Variants in MPPED2 observed in about 807,000 individuals in gnomAD.
MPPED2 encodes the protein metallophosphoesterase MPPED2.
MPPED2 carries 5 observed loss-of-function variants against 33.0 expected under a neutral mutation model. That is an observed-to-expected ratio of 0.15 (90% CI 0.08 to 0.32). MPPED2 has a LOEUF of 0.32. Among genes scored for constraint, MPPED2 ranks in the 10% least tolerant of loss-of-function variants. The pLI, the probability that MPPED2 is intolerant of heterozygous loss-of-function variation, is 1.00. For missense variants in MPPED2, 275 were observed against 372.1 expected, an observed-to-expected ratio of 0.74 and a Z score of 2.15; for synonymous variants, 136 against 141.9, an observed-to-expected ratio of 0.96 and a Z score of 0.29.
intron 6 of MPPED2, chr11:30,389,081 C>G (rs1947737882): frequency 7.4e-7 from 1 of 1,347,554 alleles, no homozygotes; most frequent in Non-Finnish European, 9.7e-7. Context: ...CCCCTCAGCA[C>G]CTCTCTAGAG....
downstream of MPPED2, among the ~76,000 whole-genome samples, chr11:30,408,495 A>T (rs964435635): frequency 6.6e-6 from 1 of 152,134 alleles, no homozygotes; most frequent in African/African-American, 2.4e-5. Context: ...TATTTTTAGT[A>T]GAGACGGGGT....
At chr11:30,506,808 T>G (rs1414682723) in intron 3 of MPPED2, among the ~76,000 whole-genome samples, 1 of 152,222 alleles carries the variant, frequency 6.6e-6, no homozygotes, top group African/African-American at 2.4e-5. Flanking sequence ...CTACTGTCAT[T>G]TTTGCATGCT....
intron 5 of MPPED2, among the ~76,000 whole-genome samples, chr11:30,414,784 G>A (rs994540400): frequency 1.3e-5 from 2 of 152,120 alleles, no homozygotes; most frequent in African/African-American, 4.8e-5. Context: ...CTGGTCACAA[G>A]ATACCCAGCT....
At chr11:30,583,721 C>A (rs1164291320) in intron 1 of MPPED2, among the ~76,000 whole-genome samples, 2 of 152,122 alleles carry the variant, frequency 1.3e-5, no homozygotes, top group Non-Finnish European at 2.9e-5. Flanking sequence ...CACCAGAAGT[C>A]CAATTTACCA....
chr11:30,410,252 A>G lies in MPPED2; in HGVS notation c.*1216T>C, dbSNP rs1187775869. On this transcript the variant is annotated 3_prime_UTR_variant, in exon 7 of 7. Coordinates refer to ENST00000358117, the MANE Select transcript of MPPED2 (RefSeq NM_001584.3). ...AAAAATCTTGCAATTTTATTTGCATATAAAGGCCGCTAGATATAGAATATC... is the reference window on the plus strand; with the variant it reads ...AAAAATCTTGCAATTTTATTTGCATGTAAAGGCCGCTAGATATAGAATATC... The G allele has an allele frequency of 2.0e-6, 2 of 985,702 alleles. No individual in the cohort carries two copies. Among genetic ancestry groups the G allele is most frequent in the Non-Finnish European group, 2.4e-6 (2 of 829,902 alleles). The allele number at this position is 985,702 out of a possible 1,614,324, so 61.1% of individuals were successfully genotyped here.
intron 4 of MPPED2, among the ~76,000 whole-genome samples, chr11:30,443,059 C>G (rs1057336204): frequency 6.6e-6 from 1 of 152,034 alleles, no homozygotes; most frequent in Admixed American, 6.6e-5. Flanking sequence ...ATAAGAAATT[C>G]TTCAGACACA....
At position 30,440,547 on chromosome 11, in the gene MPPED2, TTAGGGCAGCTGTAGGGCAGGTAA is replaced by T. The variant is rs1424681022; in HGVS notation, c.537-22937_537-22915del. Among the ~76,000 whole-genome samples the T allele has an allele frequency of 1.6e-4, 24 of 152,308 alleles. No individual in the cohort carries two copies. The East Asian group carries it at 4.6e-3, about 29-fold the overall frequency. On this transcript the variant is annotated intron_variant, in intron 4 of 6. Transcript: ENST00000358117. ...TGGAGCACTGAATGAATGATGGTTA[TTAGGGCAGCTGTAGGGCAGGTAA>T]TAGCCATTTTACAGAGAAAAGAGAA...
At chr11:30,463,368 C>T (rs550445) in intron 4 of MPPED2, among the ~76,000 whole-genome samples, 16,879 of 152,236 alleles carry the variant, frequency 0.11, 1,228 homozygotes, top group East Asian at 0.24. Context: ...TCCCCAACAG[C>T]CCCAACTTCC....
chr11:30,472,133 G>A (rs1950976067), intron 4 of MPPED2, among the ~76,000 whole-genome samples: 1 of 152,188 alleles, frequency 6.6e-6, no homozygotes, highest in South Asian at 2.1e-4. Flanking sequence ...CGGGGGCAAG[G>A]CTGGAGGACA....
Position 30,411,449 on chromosome 11 carries a change from C to A in MPPED2, c.*19G>T, listed in dbSNP as rs1948097553. The stretch of plus-strand genomic sequence containing the variant: ...AGTTTATAGACCTTCCCTCACATTC[C>A]AATAGGGCATTTAGAGCTTCAGGAA... On this transcript the variant is annotated 3_prime_UTR_variant, in exon 7 of 7. Coordinates refer to ENST00000358117, the MANE Select transcript of MPPED2 (RefSeq NM_001584.3). 9 of 1,608,520 alleles carry A rather than the reference C, an allele frequency of 5.6e-6. No individual in the cohort carries two copies. The highest frequency in any genetic ancestry group is 1.3e-5 in the African/African-American group (1 of 74,804).
chr11:30,445,457 G>A (rs1214431310), intron 4 of MPPED2, among the ~76,000 whole-genome samples: 1 of 152,046 alleles, frequency 6.6e-6, no homozygotes, highest in East Asian at 1.9e-4. Flanking sequence ...CTTAATTATG[G>A]TAAAATATGC....
intron 3 of MPPED2, among the ~76,000 whole-genome samples, chr11:30,515,340 C>T (rs756871343): frequency 2.0e-5 from 3 of 152,134 alleles, no homozygotes. Flanking sequence ...GTGAGAGAAC[C>T]AGGGAAGAGC....
intron 3 of MPPED2, among the ~76,000 whole-genome samples, chr11:30,511,736 T>C (rs1953207436): frequency 6.6e-6 from 1 of 152,196 alleles, no homozygotes. Flanking sequence ...CTATAGTTGA[T>C]TAGCTGACAA....
intron 3 of MPPED2, among the ~76,000 whole-genome samples, chr11:30,509,110 T>C (rs1367317194): frequency 6.6e-6 from 1 of 152,210 alleles, no homozygotes; most frequent in Non-Finnish European, 1.5e-5. Flanking sequence ...ACCAATTATA[T>C]ACATCACAAA....
In MPPED2 at chr11:30,411,409, A is replaced by T. The variant is rs1322530238; in HGVS notation, c.*59T>A. On this transcript the variant is annotated 3_prime_UTR_variant, in exon 7 of 7. Transcript: ENST00000358117. Reference sequence around the variant, plus strand: ...AATAAGTAAGAGAATGTAAGTTTATAATTAGAAAAATGGCAGTTTATAGAC... The same window carrying T: ...AATAAGTAAGAGAATGTAAGTTTATTATTAGAAAAATGGCAGTTTATAGAC... 1 of 1,539,964 alleles carries T rather than the reference A, an allele frequency of 6.5e-7. No individual in the cohort carries two copies. Among genetic ancestry groups the T allele is most frequent in the East Asian group, 2.3e-5 (1 of 44,232 alleles).
chr11:30,510,885 T>C (rs963959538), intron 3 of MPPED2, among the ~76,000 whole-genome samples: 1 of 152,222 alleles, frequency 6.6e-6, no homozygotes, highest in Non-Finnish European at 1.5e-5. Flanking sequence ...GATCCCTTAC[T>C]AGGAAAGTGT....
chr11:30,541,322 G>T (rs1019699143), intron 2 of MPPED2, among the ~76,000 whole-genome samples: 3 of 151,770 alleles, frequency 2.0e-5, no homozygotes, highest in Non-Finnish European at 4.4e-5. Flanking sequence ...TTCCTCTTCC[G>T]GCCATATTTA....
intron 4 of MPPED2, among the ~76,000 whole-genome samples, chr11:30,458,612 G>A (rs925070459): frequency 2.0e-4 from 30 of 152,150 alleles, no homozygotes; most frequent in African/African-American, 7.0e-4. Flanking sequence ...GCAATTCTAG[G>A]GATAAATACG....
chr11:30,531,772 G>A (rs941252338), intron 3 of MPPED2, among the ~76,000 whole-genome samples: 4 of 152,148 alleles, frequency 2.6e-5, no homozygotes, highest in Admixed American at 6.5e-5. Flanking sequence ...CTCTTCCATC[G>A]GCCAGCTTAC....
Sources: allele counts gnomAD v4.1 joint callset (sites outside exome capture counted in the v4.1 genomes callset), GRCh38; gene constraint gnomAD v4.1.1; transcripts MANE v1.5; gene names NCBI Gene and HGNC (gene_info 2026-07-23, HGNC 2026-07-21).